Variants in ELOVL5 observed in about 807,000 individuals in gnomAD.
ELOVL5 encodes very long chain fatty acid elongase 5.
Under a neutral mutation model 38.6 loss-of-function variants are expected in ELOVL5, and 8 were observed. The ratio of observed to expected loss-of-function variants is 0.21; its 90% confidence interval spans 0.12 to 0.37. The LOEUF is 0.37. Ranked by LOEUF, ELOVL5 falls within the 10% of genes least tolerant of loss-of-function variation. ELOVL5 has a pLI of 1.00. For synonymous variants in ELOVL5, 127 were observed against 133.7 expected, an observed-to-expected ratio of 0.95 and a Z score of 0.34; for missense variants, 280 against 367.8, an observed-to-expected ratio of 0.76 and a Z score of 1.95.
At chr6:53,329,818 C>T (rs979082541) in intron 1 of ELOVL5, among the ~76,000 whole-genome samples, 3 of 151,876 alleles carry the variant, frequency 2.0e-5, no homozygotes, top group Non-Finnish European at 4.4e-5. Context: ...AGCAAGACTT[C>T]GTCTCAGAAA....
intron 1 of ELOVL5, among the ~76,000 whole-genome samples, chr6:53,342,387 A>C (rs995954370): frequency 6.6e-6 from 1 of 152,224 alleles, no homozygotes; most frequent in Admixed American, 6.5e-5. Context: ...TGCTGTGCCA[A>C]GACCAAAGAG....
chr6:53,326,109 G>C (rs1768530422), intron 1 of ELOVL5, among the ~76,000 whole-genome samples: 1 of 152,196 alleles, frequency 6.6e-6, no homozygotes, highest in African/African-American at 2.4e-5. Flanking sequence ...GGACACAGTA[G>C]ACAGAAAGGG....
intron 3 of ELOVL5, among the ~76,000 whole-genome samples, chr6:53,280,288 A>T (rs1445327950): frequency 2.0e-5 from 3 of 152,110 alleles, no homozygotes; most frequent in Non-Finnish European, 2.9e-5. Context: ...CCACTACCTA[A>T]CGAAATTTTC....
At chr6:53,279,398 C>CT (rs1263359455) in intron 3 of ELOVL5, among the ~76,000 whole-genome samples, 1 of 152,202 alleles carries the variant, frequency 6.6e-6, no homozygotes, top group East Asian at 1.9e-4. Flanking sequence ...GTCTATTCTC[C>CT]TTCCTCTACC....
At chr6:53,281,878 G>A (rs183498351) in intron 3 of ELOVL5, among the ~76,000 whole-genome samples, 94 of 150,540 alleles carry the variant, frequency 6.2e-4, no homozygotes, top group Middle Eastern at 3.5e-3. Context: ...ATAGCTGAAC[G>A]TAACACTCTT....
intron 1 of ELOVL5, among the ~76,000 whole-genome samples, chr6:53,304,725 G>A (rs544997573): frequency 9.5e-4 from 145 of 152,342 alleles, no homozygotes; most frequent in African/African-American, 3.4e-3. Context: ...ACATGTTTCA[G>A]AGAGCACAGG....
intron 6 of ELOVL5, 146 bp from the exon 7 acceptor site, chr6:53,270,873 C>T: frequency 1.3e-6 from 1 of 785,018 alleles, no homozygotes; most frequent in South Asian, 1.8e-5. Context: ...TTCATGAACA[C>T]AACACATACA....
intron 1 of ELOVL5, among the ~76,000 whole-genome samples, chr6:53,313,559 G>A (rs916888470): frequency 6.6e-6 from 1 of 151,878 alleles, no homozygotes; most frequent in Admixed American, 6.6e-5. Flanking sequence ...AAGGAGTCTC[G>A]CTGTGTTGCC....
At chr6:53,288,042 G>A in intron 3 of ELOVL5, 1 of 1,029,846 alleles carries the variant, frequency 9.7e-7, no homozygotes, top group South Asian at 1.4e-5. Context: ...CATGAGGACA[G>A]AGCATCTGCC....
intron 5 of ELOVL5, among the ~76,000 whole-genome samples, chr6:53,273,604 G>A (rs1276136700): frequency 1.3e-5 from 2 of 152,200 alleles, no homozygotes; most frequent in Non-Finnish European, 2.9e-5. Flanking sequence ...CTGAAGCCAC[G>A]ACGCCATCCC....
intron 1 of ELOVL5, among the ~76,000 whole-genome samples, chr6:53,303,077 A>C (rs1426454881): frequency 1.3e-5 from 2 of 152,206 alleles, no homozygotes; most frequent in Non-Finnish European, 2.9e-5. Flanking sequence ...GTTGGCTGCC[A>C]GTTACACAGA....
chr6:53,344,002 T>C (rs1561897564), intron 1 of ELOVL5, among the ~76,000 whole-genome samples: 1 of 152,202 alleles, frequency 6.6e-6, no homozygotes, highest in Non-Finnish European at 1.5e-5. Flanking sequence ...AATATTAAAA[T>C]GTGGAAAGTT....
chr6:53,348,497 G>A (rs752330428), intron 1 of ELOVL5, among the ~76,000 whole-genome samples: 68 of 152,274 alleles, frequency 4.5e-4, no homozygotes, highest in Non-Finnish European at 8.5e-4. Context: ...GTCGTGCCCC[G>A]CGGCGCCTGT....
At chr6:53,294,005 G>C in intron 2 of ELOVL5, 1 of 924,730 alleles carries the variant, frequency 1.1e-6, no homozygotes, top group Non-Finnish European at 1.4e-6. Context: ...AAGAAAACCA[G>C]TTCCCACTTA....
intron 2 of ELOVL5, among the ~76,000 whole-genome samples, chr6:53,294,839 C>T (rs1037571506): frequency 1.3e-5 from 2 of 152,086 alleles, no homozygotes; most frequent in African/African-American, 4.8e-5. Context: ...TCAAGGCTAG[C>T]CACAGGATAA....
chr6:53,345,850 T>C (rs183141751), intron 1 of ELOVL5, among the ~76,000 whole-genome samples: 1 of 152,294 alleles, frequency 6.6e-6, no homozygotes, highest in Non-Finnish European at 1.5e-5. Context: ...CTATAGGAAT[T>C]TGGACAAGTC....
At chr6:53,303,419 G>C (rs890449680) in intron 1 of ELOVL5, among the ~76,000 whole-genome samples, 24 of 152,184 alleles carry the variant, frequency 1.6e-4, no homozygotes, top group South Asian at 4.1e-4. Flanking sequence ...CTGAATCTAT[G>C]CTTATTCTCT....
intron 1 of ELOVL5, among the ~76,000 whole-genome samples, chr6:53,306,428 C>T (rs887930764): frequency 1.3e-4 from 19 of 149,784 alleles, no homozygotes; most frequent in African/African-American, 4.7e-4. Flanking sequence ...CTTAAACATT[C>T]AAGGAAATTT....
intron 1 of ELOVL5, among the ~76,000 whole-genome samples, chr6:53,304,668 C>T (rs939398287): frequency 5.9e-5 from 9 of 152,120 alleles, no homozygotes; most frequent in Non-Finnish European, 1.2e-4. Context: ...TTTAACAAAG[C>T]ACATCTTGCA....
Sources: allele counts gnomAD v4.1 joint callset (sites outside exome capture counted in the v4.1 genomes callset), GRCh38; gene constraint gnomAD v4.1.1; transcripts MANE v1.5; gene names NCBI Gene and HGNC (gene_info 2026-07-23, HGNC 2026-07-21).